SCAPER: variants seen among roughly 807,000 people sequenced by gnomAD.
SCAPER encodes S-phase cyclin A associated protein in the ER.
SCAPER carries 98 observed loss-of-function variants against 182.2 expected under a neutral mutation model. The ratio of observed to expected loss-of-function variants is 0.54; its 90% CI spans 0.46 to 0.64. SCAPER has a LOEUF of 0.64. Among genes scored for constraint, SCAPER ranks in the 30% least tolerant of loss-of-function variants. The pLI, the probability that SCAPER is intolerant of heterozygous loss-of-function variation, is 0.00. For missense variants in SCAPER, 1,432 were observed against 1,690.0 expected, an observed-to-expected ratio of 0.85 and a Z score of 2.68; for synonymous variants, 605 against 564.6, an observed-to-expected ratio of 1.07 and a Z score of -1.01.
intron 25 of SCAPER, among the ~76,000 whole-genome samples, chr15:76,442,623 C>T (rs2047694627): frequency 1.3e-5 from 2 of 152,166 alleles, no homozygotes; most frequent in Non-Finnish European, 2.9e-5. Flanking sequence ...TCCCCTTATA[C>T]ATATTTATCC....
chr15:76,709,251 C>G (rs1244716241), intron 17 of SCAPER, among the ~76,000 whole-genome samples: 1 of 152,150 alleles, frequency 6.6e-6, no homozygotes, highest in East Asian at 1.9e-4. Context: ...CCTGCCTCAG[C>G]CTCCCAAGTA....
rs141450928 is a variant in SCAPER at position 76,838,329 on chromosome 15, A to G, written c.393+3405T>C. ...AAAACCAAGTACCAAGCTCTCTCTTATAAGTGGGAGCTAAAGATTGAGTAC... is the reference window on the plus strand; with the variant it reads ...AAAACCAAGTACCAAGCTCTCTCTTGTAAGTGGGAGCTAAAGATTGAGTAC... On this transcript the variant is annotated intron_variant, in intron 5 of 31. Transcript: ENST00000563290. Among the ~76,000 whole-genome samples the G allele has an allele frequency of 4.0e-3, 614 of 152,318 alleles. 6 individuals are homozygous for G. The highest frequency in any genetic ancestry group is 0.014 in the African/African-American group (580 of 41,572).
At chr15:76,587,384 T>A (rs2048747396) in intron 22 of SCAPER, among the ~76,000 whole-genome samples, 1 of 152,206 alleles carries the variant, frequency 6.6e-6, no homozygotes, top group Non-Finnish European at 1.5e-5. Context: ...GATCTTAGAT[T>A]GTCTATTTGT....
At chr15:76,446,019 A>G (rs750715983) in intron 25 of SCAPER, among the ~76,000 whole-genome samples, 24 of 152,328 alleles carry the variant, frequency 1.6e-4, no homozygotes, top group Non-Finnish European at 2.6e-4. Flanking sequence ...GGCAGTAGTG[A>G]TAATAGTAAT....
chr15:76,895,917 G>A (rs2074410565), intron 1 of SCAPER, among the ~76,000 whole-genome samples: 1 of 151,856 alleles, frequency 6.6e-6, no homozygotes, highest in Non-Finnish European at 1.5e-5. Flanking sequence ...GCAGGCGACT[G>A]TAGTCCCAGC....
intron 22 of SCAPER, among the ~76,000 whole-genome samples, chr15:76,612,321 T>A (rs2051074059): frequency 6.6e-6 from 1 of 152,186 alleles, no homozygotes; most frequent in Non-Finnish European, 1.5e-5. Flanking sequence ...CACTGCAGCC[T>A]GGACCTCCCA....
chr15:76,510,669 T>C (rs542748776), intron 23 of SCAPER, among the ~76,000 whole-genome samples: 9 of 152,310 alleles, frequency 5.9e-5, no homozygotes, highest in Admixed American at 2.0e-4. Context: ...TGAAGATTCC[T>C]TAAAGAACTA....
intron 24 of SCAPER, among the ~76,000 whole-genome samples, chr15:76,500,936 G>A (rs12902414): frequency 1.3e-5 from 2 of 151,406 alleles, no homozygotes; most frequent in African/African-American, 4.9e-5. Context: ...CCAGTTACTC[G>A]GGAGGCTGAG....
rs760980652 is a variant in SCAPER, at chr15:76,705,918, T to C, written c.2232A>G (p.Lys744=). Residue 744 remains lysine, a synonymous_variant, in exon 18 of 32, where the codon AAA becomes AAG. Coordinates refer to ENST00000563290, the MANE Select transcript of SCAPER (RefSeq NM_020843.4). ...ATATCCTTACCTTGAGCTGAATTTT[T>C]TTCTGTAACTCTTCCATAGCTTCTT... The part of the protein sequence containing the change: ...AQQEAMEELQ[K]KIQLKHDESI... The C allele has an allele frequency of 5.1e-6, 8 of 1,556,234 alleles. No individual in the cohort carries two copies. The highest frequency in any genetic ancestry group is 6.1e-6 in the Non-Finnish European group (7 of 1,152,402).
chr15:76,502,499 A>C (rs895324125), intron 24 of SCAPER, among the ~76,000 whole-genome samples: 2 of 150,382 alleles, frequency 1.3e-5, no homozygotes, highest in Non-Finnish European at 2.9e-5. Context: ...ACATGATCTC[A>C]CTCATAGGTG....
At chr15:76,364,815 T>C (rs983670044) in intron 29 of SCAPER, among the ~76,000 whole-genome samples, 2 of 151,948 alleles carry the variant, frequency 1.3e-5, no homozygotes, top group African/African-American at 2.4e-5. Flanking sequence ...ACTTAGGGGC[T>C]CCTCATCTCT....
chr15:76,763,245 G>A (rs1429555216), intron 14 of SCAPER, among the ~76,000 whole-genome samples: 1 of 151,354 alleles, frequency 6.6e-6, no homozygotes, highest in Non-Finnish European at 1.5e-5. Flanking sequence ...AATCATGGCT[G>A]GCAGGGTTTT....
chr15:76,547,677 C>A (rs2045412449), intron 23 of SCAPER, among the ~76,000 whole-genome samples: 1 of 151,686 alleles, frequency 6.6e-6, no homozygotes. Context: ...TTCATTTGCT[C>A]ACTTACTCTA....
At chr15:76,800,586 C>G (rs909048775) in intron 6 of SCAPER, among the ~76,000 whole-genome samples, 1 of 152,122 alleles carries the variant, frequency 6.6e-6, no homozygotes, top group Admixed American at 6.6e-5. Context: ...GGATTTTCTA[C>G]CGACTGCAGC....
intron 15 of SCAPER, among the ~76,000 whole-genome samples, chr15:76,733,647 G>GGGAGGC (rs1567961899): frequency 8.6e-5 from 13 of 151,900 alleles, no homozygotes. Context: ...CCAGCTACTC[G>GGGAGGC]GGAGGCAGAG....
intron 26 of SCAPER, among the ~76,000 whole-genome samples, chr15:76,433,657 GTCTA>G (rs774692527): frequency 5.3e-5 from 8 of 151,968 alleles, no homozygotes; most frequent in Non-Finnish European, 1.0e-4. Flanking sequence ...ATCACTAATT[GTCTA>G]TCTTTTTTGT....
At chr15:76,682,355 A>G (rs933339927) in intron 20 of SCAPER, among the ~76,000 whole-genome samples, 4 of 149,540 alleles carry the variant, frequency 2.7e-5, no homozygotes, top group Non-Finnish European at 5.9e-5. Flanking sequence ...CCCCCAGCTG[A>G]AAGGGAGGTA....
intron 21 of SCAPER, among the ~76,000 whole-genome samples, chr15:76,629,433 C>T (rs2052894316): frequency 1.3e-5 from 2 of 152,148 alleles, no homozygotes. Flanking sequence ...AAGTATGTTC[C>T]TTCAATACCG....
intron 17 of SCAPER, among the ~76,000 whole-genome samples, chr15:76,719,463 T>C (rs1222435693): frequency 6.6e-6 from 1 of 152,156 alleles, no homozygotes; most frequent in African/African-American, 2.4e-5. Context: ...TGAACAAGTC[T>C]AGAGATCTAA....
Sources: allele counts gnomAD v4.1 joint callset (sites outside exome capture counted in the v4.1 genomes callset), GRCh38; gene constraint gnomAD v4.1.1; transcripts MANE v1.5; gene names NCBI Gene and HGNC (gene_info 2026-07-23, HGNC 2026-07-21).